Variants in PREX1 observed in about 807,000 individuals in gnomAD.
PREX1 encodes phosphatidylinositol-3,4,5-trisphosphate dependent Rac exchange factor 1.
In PREX1, 41 loss-of-function variants were observed where a neutral mutation model predicts 198.3. That is an observed-to-expected ratio of 0.21 (90% CI 0.16 to 0.27). The LOEUF (loss-of-function observed/expected upper bound fraction) is 0.27. PREX1 is among the 10% of genes least tolerant of loss of function. The pLI is 1.00. For synonymous variants in PREX1, 843 were observed against 887.2 expected (o/e 0.95, Z 0.89); for missense variants, 1,620 against 2,200.7 (o/e 0.74, Z 5.28).
intron 1 of PREX1, among the ~76,000 whole-genome samples, chr20:48,748,243 CT>C (rs2090118353): frequency 1.3e-5 from 2 of 152,128 alleles, no homozygotes; most frequent in Non-Finnish European, 2.9e-5. Context: ...TTCATTTCCC[CT>C]TTCAATTTTT....
At chr20:48,664,171 A>G (rs1272503941) in intron 15 of PREX1, among the ~76,000 whole-genome samples, 1 of 152,188 alleles carries the variant, frequency 6.6e-6, no homozygotes, top group Non-Finnish European at 1.5e-5. Flanking sequence ...TCAGGAGATC[A>G]AGACCATCCT....
the PREX1 span, among the ~76,000 whole-genome samples, chr20:48,838,925 C>T: frequency 4.7e-5 from 6 of 128,738 alleles, 1 homozygote; most frequent in African/African-American, 1.8e-4. Flanking sequence ...ACTTGGGAGG[C>T]TGAGGCATGA....
chr20:48,653,471 A>G lies in PREX1; in HGVS notation c.2236T>C (p.Cys746Arg). 1.2e-6 allele frequency: 2 copies of G among 1,612,856 alleles called. No homozygotes were observed. The highest frequency in any genetic ancestry group is 1.7e-6 in the Non-Finnish European group (2 of 1,179,390). The part of the protein sequence containing the change: ...RGSEAMAAGL[C>R]AGQCILKVNG... ...ACCTTCAGAATGCACTGACCAGCAC[A>G]GAGCCCTGCAGCCATGGCCTCAGAG... The change falls in exon 20 of 40, where the codon TGT (cysteine) becomes CGT (arginine). Residue 746 changes from cysteine (C) to arginine (R), a missense_variant. Coordinates refer to ENST00000371941, the MANE Select transcript of PREX1 (RefSeq NM_020820.4).
intron 1 of PREX1, among the ~76,000 whole-genome samples, chr20:48,820,989 C>T (rs2090481938): frequency 1.3e-5 from 2 of 152,166 alleles, no homozygotes; most frequent in South Asian, 4.1e-4. Context: ...CACTTGAGGT[C>T]AGGAGTTCAA....
intron 1 of PREX1, among the ~76,000 whole-genome samples, chr20:48,777,059 T>C (rs1164912833): frequency 6.6e-6 from 1 of 152,164 alleles, no homozygotes; most frequent in Non-Finnish European, 1.5e-5. Context: ...TGAATAATAA[T>C]AGTTGCTGTT....
chr20:48,753,828 G>T (rs2090144953), intron 1 of PREX1, among the ~76,000 whole-genome samples: 1 of 152,110 alleles, frequency 6.6e-6, no homozygotes, highest in Non-Finnish European at 1.5e-5. Context: ...GCCACCCCTG[G>T]ACCCATATAA....
At position 48,630,727 on chromosome 20, in the gene PREX1, C is replaced by T; in HGVS notation, c.4593+1G>A. 6.3e-7 allele frequency: 1 copy of T among 1,588,026 alleles called. No homozygotes were observed. The highest frequency in any genetic ancestry group is 8.6e-7 in the Non-Finnish European group (1 of 1,156,340). On this transcript the variant is annotated splice_donor_variant, in intron 36 of 39. Transcript: ENST00000371941. LOFTEE classifies it high-confidence loss of function. ...TGCAGCAGGAGGGCACGTGGACATACCTGGTCTATCTTTACCGCCGTGGTG... is the reference window on the plus strand; with the variant it reads ...TGCAGCAGGAGGGCACGTGGACATATCTGGTCTATCTTTACCGCCGTGGTG...
the PREX1 span, among the ~76,000 whole-genome samples, chr20:48,841,828 C>T: frequency 6.6e-6 from 1 of 152,166 alleles, no homozygotes; most frequent in Non-Finnish European, 1.5e-5. Flanking sequence ...GGCTTTATCC[C>T]ACATCCCTGG....
intron 1 of PREX1, among the ~76,000 whole-genome samples, chr20:48,759,566 AAAG>A: frequency 6.7e-6 from 1 of 150,054 alleles, no homozygotes; most frequent in East Asian, 1.9e-4. Flanking sequence ...AAAAAAAAAA[AAAG>A]AAAAGAAAGA....
chr20:48,713,537 C>A (rs561862867), intron 5 of PREX1, among the ~76,000 whole-genome samples: 21 of 152,176 alleles, frequency 1.4e-4, no homozygotes, highest in Admixed American at 4.6e-4. Context: ...CAGTTCAAGA[C>A]CAGCCTGGGC....
At chr20:48,881,242 T>C in the PREX1 span, among the ~76,000 whole-genome samples, 6 of 152,152 alleles carry the variant, frequency 3.9e-5, no homozygotes, top group African/African-American at 1.4e-4. Flanking sequence ...CTTTGTTATA[T>C]GTTTCCCTTT....
rs998515933 is a variant in PREX1 at position 48,726,279 on chromosome 20, G to C, written c.621+11C>G. The C allele has an allele frequency of 6.2e-7, 1 of 1,606,668 alleles. No homozygotes were observed. Among genetic ancestry groups the C allele is most frequent in the Non-Finnish European group, 8.5e-7 (1 of 1,174,016 alleles). On this transcript the variant is annotated intron_variant, in intron 5 of 39. Transcript: ENST00000371941. ...GAGTTTTCTGTCACTTCAAATACGG[G>C]AAAGTCTCACCTTAAGGAGGAGCGG...
At chr20:48,630,158 C>T (rs2089302353) in intron 36 of PREX1, among the ~76,000 whole-genome samples, 1 of 152,214 alleles carries the variant, frequency 6.6e-6, no homozygotes, top group Admixed American at 6.5e-5. Context: ...AAATCATCAG[C>T]ACATTCAAGG....
intron 25 of PREX1, among the ~76,000 whole-genome samples, chr20:48,646,604 G>A (rs1419689898): frequency 2.7e-5 from 4 of 150,678 alleles, no homozygotes; most frequent in Non-Finnish European, 4.4e-5. Context: ...TATGAGAATC[G>A]CTTGAACCTG....
chr20:48,787,105 G>A (rs1274499877), intron 1 of PREX1, among the ~76,000 whole-genome samples: 4 of 152,208 alleles, frequency 2.6e-5, no homozygotes, highest in Non-Finnish European at 5.9e-5. Flanking sequence ...TGCGAGAAGC[G>A]GGCTGGAAGG....
the PREX1 span, among the ~76,000 whole-genome samples, chr20:48,867,156 A>G: frequency 1.4e-4 from 22 of 152,238 alleles, no homozygotes; most frequent in Non-Finnish European, 7.3e-5. Context: ...AGCCCACTTA[A>G]TCTCTCTTTG....
At chr20:48,867,217 G>A in the PREX1 span, among the ~76,000 whole-genome samples, 3 of 152,308 alleles carry the variant, frequency 2.0e-5, no homozygotes, top group East Asian at 5.8e-4. Flanking sequence ...GGAAGCTCTT[G>A]GAGCTGAAGA....
Position 48,642,177 on chromosome 20 carries a change from T to C in PREX1, c.3766A>G (p.Ser1256Gly). The C allele has an allele frequency of 6.2e-7, 1 of 1,614,100 alleles. No individual in the cohort carries two copies. The highest frequency in any genetic ancestry group is 8.5e-7 in the Non-Finnish European group (1 of 1,179,924). Residue 1256 changes from serine to glycine, a missense_variant, in exon 29 of 40, where the codon AGC (serine) becomes GGC (glycine). Ser to Gly is a moderately conservative substitution (Grantham distance 56). Coordinates refer to ENST00000371941, the MANE Select transcript of PREX1 (RefSeq NM_020820.4). ...EETKHFPMNH[S>G]LQEFKQKEEC... Reference sequence around the variant, plus strand: ...CTGGCTATCCCCTCACCTTGTAAGCTGTGGTTCATAGGGAAATGCTTGGTC... The same window carrying C: ...CTGGCTATCCCCTCACCTTGTAAGCCGTGGTTCATAGGGAAATGCTTGGTC...
chr20:48,651,200 A>C (rs961573106), intron 22 of PREX1, 145 bp from the exon 23 acceptor site: 14 of 1,288,366 alleles, frequency 1.1e-5, no homozygotes, highest in Non-Finnish European at 1.5e-5. Context: ...GAGTAAACTG[A>C]GGCTAAAGGG....
Sources: gnomAD v4.1 joint callset for allele counts (sites outside exome capture counted in the v4.1 genomes callset) on GRCh38, gnomAD v4.1.1 for gene constraint, MANE v1.5 for transcripts, NCBI Gene and HGNC (gene_info 2026-07-23, HGNC 2026-07-21) for gene names.